Variants in SCN8A observed in about 807,000 individuals in gnomAD.
SCN8A encodes the protein sodium channel protein type 8 subunit alpha.
Under a neutral mutation model 184.1 loss-of-function variants are expected in SCN8A, and 30 were observed. The ratio of observed to expected loss-of-function variants is 0.16; its 90% CI spans 0.12 to 0.22. The LOEUF is 0.22. Among genes scored for constraint, SCN8A ranks in the 10% least tolerant of loss-of-function variants. The pLI is 1.00. For missense variants in SCN8A, 1,057 were observed against 2,498.9 expected, an observed-to-expected ratio of 0.42 and a Z score of 12.30; for synonymous variants, 852 against 907.0, an observed-to-expected ratio of 0.94 and a Z score of 1.09.
chr12:51,689,492 C>G (rs1592381153), intron 6 of SCN8A: 1 of 177,578 alleles, frequency 5.6e-6, no homozygotes, highest in African/African-American at 2.4e-5. Flanking sequence ...GCATGGTTTG[C>G]TGATGGGACG....
chr12:51,713,317 G>A (rs1941912515), intron 11 of SCN8A: 1 of 1,100,072 alleles, frequency 9.1e-7, no homozygotes, highest in East Asian at 2.3e-5. Context: ...AACCTTGTGT[G>A]GTCAAGCACA....
At chr12:51,733,849 A>G (rs1942281296) in intron 12 of SCN8A, among the ~76,000 whole-genome samples, 1 of 152,134 alleles carries the variant, frequency 6.6e-6, no homozygotes, top group Admixed American at 6.5e-5. Flanking sequence ...TTTCCAATTT[A>G]TTGGCATGTA....
intron 12 of SCN8A, among the ~76,000 whole-genome samples, chr12:51,734,809 T>C (rs1050859435): frequency 3.9e-5 from 6 of 152,230 alleles, no homozygotes; most frequent in Admixed American, 6.5e-5. Flanking sequence ...CTGCAGACTA[T>C]ACAAAGAAAA....
At chr12:51,663,767 G>GC (rs1405403795) in intron 2 of SCN8A, among the ~76,000 whole-genome samples, 7 of 152,118 alleles carry the variant, frequency 4.6e-5, no homozygotes, top group African/African-American at 7.2e-5. Context: ...TAAATCTTCA[G>GC]CTACTTTCTC....
intron 1 of SCN8A, among the ~76,000 whole-genome samples, chr12:51,628,670 T>C (rs1427122053): frequency 1.2e-4 from 18 of 151,948 alleles, no homozygotes; most frequent in African/African-American, 4.4e-4. Context: ...AAGAGTTGAG[T>C]ATTGGTGTCA....
At position 51,809,159 on chromosome 12, in the gene SCN8A, C is replaced by G. The variant is rs1330549528; in HGVS notation, c.*1730C>G. The G allele has an allele frequency of 1.3e-5, 2 of 152,304 alleles. No individual in the cohort carries two copies. The highest frequency in any genetic ancestry group is 2.1e-4 in the South Asian group (1 of 4,826). 9.4% of individuals were successfully genotyped at this position (152,304 alleles called of 1,614,324 possible). ...GCTTCTGGGGGAGCGTCATATCTTC[C>G]ATTCCATCTCCTGCTTTAGGAAAGA... On this transcript the variant is annotated 3_prime_UTR_variant, in exon 27 of 27. Coordinates refer to ENST00000627620, the MANE Select transcript of SCN8A (RefSeq NM_001330260.2).
Position 51,724,457 on chromosome 12 carries a change from AAAAAC to A in SCN8A, c.1998+2569_1998+2573del, listed in dbSNP as rs546422107. Among the ~76,000 whole-genome samples, 304 of 152,338 alleles carry A rather than the reference AAAAAC, an allele frequency of 2.0e-3. 1 individual carries two copies. Among genetic ancestry groups the A allele is most frequent in the South Asian group, 0.013 (64 of 4,822 alleles). On this transcript the variant is annotated intron_variant, in intron 12 of 26. Transcript: ENST00000627620. ...AGCAACACTCTTGTCTCAAAAAAGA[AAAAAC>A]AAAACAAAACAAAACAAAAACAGTG...
intron 1 of SCN8A, among the ~76,000 whole-genome samples, chr12:51,656,534 C>T (rs1373473155): frequency 6.6e-6 from 1 of 152,076 alleles, no homozygotes; most frequent in Non-Finnish European, 1.5e-5. Context: ...AATATTATAT[C>T]TGACAAATGA....
chr12:51,761,046 C>G (rs1942755092), intron 14 of SCN8A, among the ~76,000 whole-genome samples: 1 of 152,134 alleles, frequency 6.6e-6, no homozygotes, highest in Non-Finnish European at 1.5e-5. Context: ...GTTACAAGTA[C>G]TAATATATTA....
At chr12:51,689,297 A>G (rs1025161622) in intron 6 of SCN8A, 28 of 567,042 alleles carry the variant, frequency 4.9e-5, no homozygotes, top group East Asian at 2.6e-4. Flanking sequence ...TGCAGCCCCC[A>G]TTCCATCCAT....
intron 4 of SCN8A, 106 bp downstream of exon 4, chr12:51,686,563 G>A: frequency 1.4e-6 from 1 of 718,828 alleles, no homozygotes; most frequent in Non-Finnish European, 2.4e-6. Context: ...ATTAGTTATT[G>A]CCTCTCTTTA....
At chr12:51,649,060 A>G (rs1040582735) in intron 1 of SCN8A, among the ~76,000 whole-genome samples, 1 of 152,174 alleles carries the variant, frequency 6.6e-6, no homozygotes, top group Non-Finnish European at 1.5e-5. Context: ...TGGCCAAAAC[A>G]AAGGGGTTAT....
intron 1 of SCN8A, among the ~76,000 whole-genome samples, chr12:51,629,379 C>A (rs978002040): frequency 3.3e-5 from 5 of 152,030 alleles, no homozygotes; most frequent in Non-Finnish European, 7.4e-5. Context: ...TTAGTAGCAT[C>A]CCTGGCCTCT....
intron 1 of SCN8A, among the ~76,000 whole-genome samples, chr12:51,658,498 A>T (rs1265318227): frequency 6.6e-6 from 1 of 152,136 alleles, no homozygotes; most frequent in Non-Finnish European, 1.5e-5. Flanking sequence ...GGAATGAAGT[A>T]CTGATACATG....
rs1940948654 is a variant in SCN8A, at chr12:51,662,765, G to A, written c.-53G>A. On this transcript the variant is annotated splice_region_variant and 5_prime_UTR_variant, in exon 2 of 27. Coordinates refer to ENST00000627620, the MANE Select transcript of SCN8A (RefSeq NM_001330260.2). ...TGTCTGTGTTGCTGTTTCTTCCAGA[G>A]CTGACCTGTCCTGGACGCAGCATAA... 1.3e-6 allele frequency: 2 copies of A among 1,577,908 alleles called. No homozygotes were observed. The highest frequency in any genetic ancestry group is 8.6e-7 in the Non-Finnish European group (1 of 1,159,336).
chr12:51,724,782 A>G (rs1942130221), intron 12 of SCN8A, among the ~76,000 whole-genome samples: 2 of 152,238 alleles, frequency 1.3e-5, no homozygotes, highest in Admixed American at 6.5e-5. Context: ...ATAAAAAGGT[A>G]TTAGAGAAGG....
chr12:51,667,773 G>T (rs1464963772), intron 2 of SCN8A, among the ~76,000 whole-genome samples: 2 of 152,126 alleles, frequency 1.3e-5, no homozygotes, highest in Admixed American at 1.3e-4. Context: ...ACTGACAGTT[G>T]ATATATGTGT....
intron 25 of SCN8A, among the ~76,000 whole-genome samples, chr12:51,791,720 T>C (rs1352641356): frequency 6.6e-6 from 1 of 151,956 alleles, no homozygotes; most frequent in African/African-American, 2.4e-5. Flanking sequence ...ACAAAAAAAT[T>C]TTGTAAAAAG....
chr12:51,665,637 A>T (rs1175931952), intron 2 of SCN8A, among the ~76,000 whole-genome samples: 4 of 152,202 alleles, frequency 2.6e-5, no homozygotes, highest in Admixed American at 6.5e-5. Context: ...TGATACTTCT[A>T]TAGGGGTGGA....
Sources: gnomAD v4.1 joint callset for allele counts (sites outside exome capture counted in the v4.1 genomes callset) on GRCh38, gnomAD v4.1.1 for gene constraint, MANE v1.5 for transcripts, NCBI Gene and HGNC (gene_info 2026-07-23, HGNC 2026-07-21) for gene names.